GRIA4: variants seen among roughly 807,000 people sequenced by gnomAD.
GRIA4 encodes glutamate receptor 4.
In GRIA4, 34 loss-of-function variants were observed where a neutral mutation model predicts 104.0. The observed-to-expected ratio is 0.33, with a 90% confidence interval of 0.25 to 0.44. The LOEUF (loss-of-function observed/expected upper bound fraction) is 0.44. GRIA4 is among the 20% of genes least tolerant of loss of function. The pLI is 1.00. For synonymous variants in GRIA4, 386 were observed against 381.9 expected (o/e 1.01, Z -0.13); for missense variants, 750 against 1,096.5 (o/e 0.68, Z 4.46).
At chr11:105,636,841 C>T (rs1184037381) in intron 3 of GRIA4, among the ~76,000 whole-genome samples, 3 of 152,202 alleles carry the variant, frequency 2.0e-5, no homozygotes, top group African/African-American at 7.2e-5. Context: ...TCTAACTGCA[C>T]TTGGCTAGAA....
At chr11:105,611,900 C>G (rs1030227467) in intron 2 of GRIA4, among the ~76,000 whole-genome samples, 1 of 152,214 alleles carries the variant, frequency 6.6e-6, no homozygotes, top group African/African-American at 2.4e-5. Context: ...GGCACTATAT[C>G]CCTTCATTTC....
At chr11:105,639,552 C>T (rs1313749629) in intron 3 of GRIA4, among the ~76,000 whole-genome samples, 2 of 151,870 alleles carry the variant, frequency 1.3e-5, no homozygotes, top group African/African-American at 4.8e-5. Flanking sequence ...ATATATCTTA[C>T]ATATTCAATG....
At chr11:105,849,859 C>T (rs779654644) in intron 4 of GRIA4, among the ~76,000 whole-genome samples, 4 of 152,060 alleles carry the variant, frequency 2.6e-5, no homozygotes, top group South Asian at 2.1e-4. Flanking sequence ...TTGTTGTTCT[C>T]GGGTTTTTTA....
chr11:105,820,640 A>AT (rs527447186), intron 4 of GRIA4, among the ~76,000 whole-genome samples: 3 of 151,742 alleles, frequency 2.0e-5, no homozygotes, highest in African/African-American at 4.8e-5. Flanking sequence ...TGTCAGAATT[A>AT]TTTTTTTTCT....
Position 105,887,553 on chromosome 11 carries a change from AT to A in GRIA4, c.709del (p.Tyr237IlefsTer36). On this transcript the variant is annotated frameshift_variant, in exon 6 of 17. Transcript: ENST00000282499. LOFTEE classifies it high-confidence loss of function. ...GTTGGAAAGCATGTTAAAGGCTACC[AT>A]TATATCATTGCAAACTTGGTAAGAA... ...VSVGKHVKGY[H>X]YIIANLGFKD... The A allele has an allele frequency of 6.9e-7, 1 of 1,446,236 alleles. No individual in the cohort carries two copies. Among genetic ancestry groups the A allele is most frequent in the Non-Finnish European group, 9.7e-7 (1 of 1,035,580 alleles). The allele number at this position is 1,446,236 out of a possible 1,614,324, so 89.6% of individuals were successfully genotyped here.
At chr11:105,794,802 T>C (rs1942414284) in intron 4 of GRIA4, among the ~76,000 whole-genome samples, 1 of 151,634 alleles carries the variant, frequency 6.6e-6, no homozygotes, top group East Asian at 2.0e-4. Flanking sequence ...AATTACATCT[T>C]TAGTTTTCTT....
chr11:105,614,414 A>G (rs1005999977), intron 3 of GRIA4: 3 of 151,914 alleles, frequency 2.0e-5, no homozygotes, highest in Non-Finnish European at 2.9e-5. Context: ...ATATATGTGA[A>G]ATAAAGTGTT....
chr11:105,923,841 C>T (rs1463105610), intron 11 of GRIA4, among the ~76,000 whole-genome samples: 1 of 152,116 alleles, frequency 6.6e-6, no homozygotes, highest in Non-Finnish European at 1.5e-5. Context: ...TGGAAAATAT[C>T]GTCAAACAAC....
intron 4 of GRIA4, among the ~76,000 whole-genome samples, chr11:105,826,985 G>A (rs1331310059): frequency 6.6e-6 from 1 of 152,026 alleles, no homozygotes; most frequent in African/African-American, 2.4e-5. Flanking sequence ...CAACATCTTT[G>A]TTATTGATAC....
At chr11:105,758,696 G>A (rs555756103) in intron 4 of GRIA4, among the ~76,000 whole-genome samples, 1 of 152,074 alleles carries the variant, frequency 6.6e-6, no homozygotes, top group Non-Finnish European at 1.5e-5. Context: ...TATGTCAAAA[G>A]TATGCTTTAC....
chr11:105,899,317 G>A (rs1197923167), intron 7 of GRIA4, among the ~76,000 whole-genome samples: 1 of 152,144 alleles, frequency 6.6e-6, no homozygotes, highest in Non-Finnish European at 1.5e-5. Context: ...TTAAATGGAT[G>A]TCCACTATGT....
At chr11:105,977,223 T>C (rs1353486235) in intron 16 of GRIA4, among the ~76,000 whole-genome samples, 1 of 152,042 alleles carries the variant, frequency 6.6e-6, no homozygotes. Context: ...TAACATTAAA[T>C]GTTGAAAGGG....
intron 4 of GRIA4, among the ~76,000 whole-genome samples, chr11:105,821,974 C>G (rs771892541): frequency 1.1e-4 from 16 of 152,050 alleles, no homozygotes; most frequent in Non-Finnish European, 2.1e-4. Context: ...CTGCTGCGCT[C>G]GCCACGCAGG....
At chr11:105,682,767 G>A (rs1952751377) in intron 3 of GRIA4, among the ~76,000 whole-genome samples, 1 of 152,110 alleles carries the variant, frequency 6.6e-6, no homozygotes, top group South Asian at 2.1e-4. Context: ...AGCAGAACTC[G>A]GAACCCCAAT....
intron 4 of GRIA4, among the ~76,000 whole-genome samples, chr11:105,794,436 T>C (rs1341322641): frequency 8.2e-6 from 1 of 121,636 alleles, no homozygotes; most frequent in African/African-American, 3.3e-5. Flanking sequence ...TGCCGGGGTG[T>C]GTGTGTGTGT....
chr11:105,836,460 G>T (rs1944191167), intron 4 of GRIA4, among the ~76,000 whole-genome samples: 1 of 152,076 alleles, frequency 6.6e-6, no homozygotes, highest in Admixed American at 6.6e-5. Context: ...GATAGGTGGA[G>T]CTCTAATCCT....
At chr11:105,620,513 T>G (rs1312965301) in intron 3 of GRIA4, among the ~76,000 whole-genome samples, 1 of 151,782 alleles carries the variant, frequency 6.6e-6, no homozygotes, top group Non-Finnish European at 1.5e-5. Flanking sequence ...CAACATTCAG[T>G]GTGACTGTCG....
chr11:105,760,723 C>T (rs1361654160), intron 4 of GRIA4, among the ~76,000 whole-genome samples: 2 of 151,814 alleles, frequency 1.3e-5, no homozygotes, highest in African/African-American at 4.8e-5. Context: ...AAGGCCTATT[C>T]ATGTTTTTTT....
Position 105,972,013 on chromosome 11 carries a change from G to A in GRIA4, c.2394G>A (p.Lys798=), listed in dbSNP as rs61736488. Residue 798 remains lysine (K), a synonymous_variant, in exon 15 of 17, where the codon AAG becomes AAA. Coordinates refer to ENST00000282499, the MANE Select transcript of GRIA4 (RefSeq NM_000829.4). ...ACGATAAAGGTGAATGTGGACCCAAGGACTCTGGAAGCAAGGTCAGTCGCT... is the reference window on the plus strand; with the variant it reads ...ACGATAAAGGTGAATGTGGACCCAAAGACTCTGGAAGCAAGGTCAGTCGCT... The part of the protein sequence containing the change: ...WWYDKGECGP[K]DSGSKDKTSA... The A allele has an allele frequency of 0.074, 119,719 of 1,609,370 alleles. 4,843 individuals are homozygous for A. Among genetic ancestry groups the A allele is most frequent in the African/African-American group, 0.12 (9,290 of 74,844 alleles).
Sources: gnomAD v4.1 joint callset for allele counts (sites outside exome capture counted in the v4.1 genomes callset) on GRCh38, gnomAD v4.1.1 for gene constraint, MANE v1.5 for transcripts, NCBI Gene and HGNC (gene_info 2026-07-23, HGNC 2026-07-21) for gene names.